Variants in ATP13A1 observed in about 807,000 individuals in gnomAD.
ATP13A1 encodes the protein endoplasmic reticulum transmembrane helix translocase.
ATP13A1 carries 55 observed loss-of-function variants against 134.8 expected under a neutral mutation model. The ratio of observed to expected loss-of-function variants is 0.41; its 90% CI spans 0.33 to 0.51. ATP13A1 has a LOEUF of 0.51. Among genes scored for constraint, ATP13A1 ranks in the 20% least tolerant of loss-of-function variants. ATP13A1 has a pLI of 0.29. For synonymous variants in ATP13A1, 775 were observed against 725.1 expected, an observed-to-expected ratio of 1.07 and a Z score of -1.10; for missense variants, 1,389 against 1,652.8, an observed-to-expected ratio of 0.84 and a Z score of 2.77.
chr19:19,646,371 G>GA, intron 22 of ATP13A1, 24 bp from the exon 23 acceptor site: 2 of 1,613,160 alleles, frequency 1.2e-6, no homozygotes, highest in South Asian at 1.1e-5. Context: ...GCGGGTGGGG[G>GA]AGTCAGGATC....
In ATP13A1 at chr19:19,655,498, G is replaced by C. The variant is rs199890912; in HGVS notation, c.1396+30C>G. ...CAACCTGGAGCCTCGGAGGGTGGGC[G>C]CAGGGGACCACAGAGGCCGTGGCGC... On this transcript the variant is annotated intron_variant, in intron 10 of 25. Transcript: ENST00000357324. This position sits in a 1 kb window ranked among gnomAD's most constrained non-coding sequence, Gnocchi z 5.7. The C allele has an allele frequency of 6.2e-7, 1 of 1,613,870 alleles. No individual in the cohort carries two copies. Among genetic ancestry groups the C allele is most frequent in the African/African-American group, 1.3e-5 (1 of 74,930 alleles).
chr19:19,658,972 A>G (rs1298507422), intron 3 of ATP13A1, among the ~76,000 whole-genome samples: 1 of 152,214 alleles, frequency 6.6e-6, no homozygotes, highest in Non-Finnish European at 1.5e-5. Context: ...TTTAAAATAA[A>G]GCTGTTGCTG....
intron 12 of ATP13A1, 122 bp from the exon 13 acceptor site, chr19:19,654,822 C>T (rs2062047011): frequency 8.3e-7 from 1 of 1,201,178 alleles, no homozygotes; most frequent in Non-Finnish European, 1.1e-6. Context: ...GGCTTGGGCG[C>T]CAACTGGGTC....
intron 17 of ATP13A1, 132 bp from the exon 18 acceptor site, chr19:19,650,072 AC>A (rs1305661019): frequency 5.0e-6 from 4 of 794,968 alleles, no homozygotes; most frequent in Admixed American, 2.6e-5. Context: ...CACCCAGGTG[AC>A]CCCCAGCCCT....
rs1328980699 is a variant in ATP13A1 at position 19,647,062 on chromosome 19, G to A, written c.3105+67C>T. ...CTGTAACTTGGGGATGACAATTCCC[G>A]TGCCTATATCAGCCTGGCCCTGGCA... On this transcript the variant is annotated intron_variant, in intron 22 of 25. Transcript: ENST00000357324. This position sits in a 1 kb window ranked among gnomAD's most constrained non-coding sequence, Gnocchi z 4.8. The A allele has an allele frequency of 2.7e-5, 41 of 1,491,150 alleles. No homozygotes were observed. The highest frequency in any genetic ancestry group is 4.5e-5 in the East Asian group (2 of 44,096). 92.4% of individuals were successfully genotyped at this position (1,491,150 alleles called of 1,614,324 possible).
intron 16 of ATP13A1, 115 bp downstream of exon 16, chr19:19,652,480 A>G: frequency 2.1e-6 from 3 of 1,404,910 alleles, no homozygotes; most frequent in Non-Finnish European, 2.9e-6. Flanking sequence ...GATCTTGCTC[A>G]GCTAAAACAT....
At position 19,660,002 on chromosome 19, in the gene ATP13A1, G is replaced by T. The variant is rs1568430743; in HGVS notation, c.397-15C>A. 2 of 1,552,984 alleles carry T rather than the reference G, an allele frequency of 1.3e-6. No homozygotes were observed. ...GGGTCGTACTCCTGACAGAGACAAAGAAAGCATTGTGGCTTAGCTCTTCTC... is the reference window on the plus strand; with the variant it reads ...GGGTCGTACTCCTGACAGAGACAAATAAAGCATTGTGGCTTAGCTCTTCTC... On this transcript the variant is annotated splice_polypyrimidine_tract_variant and intron_variant, in intron 1 of 25. Coordinates refer to ENST00000357324, the MANE Select transcript of ATP13A1 (RefSeq NM_020410.3).
intron 15 of ATP13A1, chr19:19,652,996 C>T (rs2062034680): frequency 4.5e-6 from 2 of 443,122 alleles, no homozygotes; most frequent in Non-Finnish European, 4.1e-6. Context: ...CCTTGTGGCT[C>T]AGCTTCCAAG....
rs1314731448 is a variant in ATP13A1 at position 19,645,938 on chromosome 19, A to G, written c.3296T>C (p.Val1099Ala). The change falls in exon 24 of 26, where the codon GTC (valine) becomes GCC (alanine). Residue 1099 changes from valine to alanine, a missense_variant. By Grantham distance (64) the Val-to-Ala change is moderately conservative. This residue lies in a region of ATP13A1 where 228 missense variants were observed against 321.0 expected (regional missense o/e 0.71). Coordinates refer to ENST00000357324, the MANE Select transcript of ATP13A1 (RefSeq NM_020410.3). The surrounding 1 kb of genome is among the most constrained non-coding windows in gnomAD (Gnocchi z 4.1). Reference sequence around the variant, plus strand: ...GGCCATGATGTAGACGGTGCTGTTGACCAGGCTTGGCTCAAACTCCTTGTA... The same window carrying G: ...GGCCATGATGTAGACGGTGCTGTTGGCCAGGCTTGGCTCAAACTCCTTGTA... ...DLYKEFEPSLVNSTVYIMAMA... is the reference protein window; with the variant it reads ...DLYKEFEPSLANSTVYIMAMA... 1 of 1,613,534 alleles carries G rather than the reference A, an allele frequency of 6.2e-7. No individual in the cohort carries two copies. Among genetic ancestry groups the G allele is most frequent in the Admixed American group, 1.7e-5 (1 of 60,032 alleles).
In ATP13A1 at chr19:19,651,744, C is replaced by T. The variant is rs2062025959; in HGVS notation, c.2280G>A (p.Glu760=). 6.2e-7 allele frequency: 1 copy of T among 1,613,318 alleles called. No individual in the cohort carries two copies. The highest frequency in any genetic ancestry group is 1.7e-5 in the Admixed American group (1 of 59,928). ...TGTGGGCCTTTTCAATGAAGTGCAG[C>T]TCCTGGGCCACGTGGCATGCAGTGA... The part of the protein sequence containing the change: ...NPLTACHVAQ[E]LHFIEKAHTL... Residue 760 remains glutamate (E), a synonymous_variant, in exon 17 of 26, where the codon GAG becomes GAA. Coordinates refer to ENST00000357324, the MANE Select transcript of ATP13A1 (RefSeq NM_020410.3).
chr19:19,662,242 C>T, intron 1 of ATP13A1: 1 of 1,499,052 alleles, frequency 6.7e-7, no homozygotes, highest in Non-Finnish European at 8.9e-7. Context: ...TTTCATTGTA[C>T]TACCTCAAAG....
chr19:19,647,468 C>G lies in ATP13A1; in HGVS notation c.2854G>C (p.Gly952Arg). The change falls in exon 21 of 26, where the codon GGG becomes CGG. Residue 952 changes from glycine (G) to arginine (R), a missense_variant. Gly to Arg is a moderately radical substitution (Grantham distance 125). Coordinates refer to ENST00000357324, the MANE Select transcript of ATP13A1 (RefSeq NM_020410.3). This position sits in a 1 kb window ranked among gnomAD's most constrained non-coding sequence, Gnocchi z 4.8. ...AAGGGTGCTGCGATGCTGGCATCCC[C>G]CAGTTTCACAATGGGCGTACTCTCG... ...EDESTPIVKL[G>R]DASIAAPFTS... is the part of the protein sequence containing the mutation. The G allele has an allele frequency of 3.1e-6, 5 of 1,613,542 alleles. No homozygotes were observed. Among genetic ancestry groups the G allele is most frequent in the Non-Finnish European group, 4.2e-6 (5 of 1,179,694 alleles).
At chr19:19,657,259 AGTG>A (rs772012345) in intron 4 of ATP13A1, 74 bp downstream of exon 4, 10 of 1,504,466 alleles carry the variant, frequency 6.6e-6, no homozygotes, top group Non-Finnish European at 8.9e-6. Context: ...CAGGTTTAGA[AGTG>A]GTGGGCAGGC....
In ATP13A1 at chr19:19,647,268, T is replaced by C; in HGVS notation, c.2966A>G (p.Lys989Arg). 1 of 1,613,784 alleles carries C rather than the reference T, an allele frequency of 6.2e-7. No individual in the cohort carries two copies. ...CTLVTTLQMFKILALNALILA... is the reference protein window; with the variant it reads ...CTLVTTLQMFRILALNALILA... Reference sequence around the variant, plus strand: ...GATGAGGGCATTGAGCGCCAGGATCTTGAACATCTGTAGCGTGGTCACCAG... The same window carrying C: ...GATGAGGGCATTGAGCGCCAGGATCCTGAACATCTGTAGCGTGGTCACCAG... The change falls in exon 22 of 26, where the codon AAG (lysine) becomes AGG (arginine). Residue 989 changes from lysine to arginine, a missense_variant. Transcript: ENST00000357324. The surrounding 1 kb of genome is among the most constrained non-coding windows in gnomAD (Gnocchi z 4.8).
intron 13 of ATP13A1, 40 bp from the exon 14 acceptor site, chr19:19,654,184 CA>C (rs1034713731): frequency 2.5e-5 from 38 of 1,542,828 alleles, no homozygotes; most frequent in Non-Finnish European, 3.2e-5. Context: ...GGCTTTGCTC[CA>C]AAGAGGCAGC....
chr19:19,651,775 T>C lies in ATP13A1; in HGVS notation c.2249A>G (p.Asn750Ser), dbSNP rs562025401. The C allele has an allele frequency of 3.1e-6, 5 of 1,612,704 alleles. No homozygotes were observed. Among genetic ancestry groups the C allele is most frequent in the East Asian group, 4.5e-5 (2 of 44,768 alleles). The change falls in exon 17 of 26, where the codon AAC becomes AGC. Residue 750 changes from asparagine to serine, a missense_variant. Physicochemically the swap from Asn to Ser is conservative, Grantham distance 46. This residue lies in a region of ATP13A1 where 747 missense variants were observed against 956.1 expected (regional missense o/e 0.78). Transcript: ENST00000357324. Reference protein sequence around the residue: ...SHRVVMITGDNPLTACHVAQE... With the variant: ...SHRVVMITGDSPLTACHVAQE... Reference sequence around the variant, plus strand: ...GGCCACGTGGCATGCAGTGAGCGGGTTGTCTCCCGTGATCATGACCACCTT... The same window carrying C: ...GGCCACGTGGCATGCAGTGAGCGGGCTGTCTCCCGTGATCATGACCACCTT...
chr19:19,654,790 A>C, intron 12 of ATP13A1, 90 bp from the exon 13 acceptor site: 2 of 1,452,734 alleles, frequency 1.4e-6, no homozygotes, highest in Non-Finnish European at 1.9e-6. Context: ...AAGGCCATTC[A>C]TTCCGTGCTT....
Position 19,645,341 on chromosome 19 carries a change from G to T in ATP13A1, c.*81C>A, listed in dbSNP as rs751172440. ...TACAGCCTTGCTGTGGGGGGTTGGG[G>T]GCAGGGTTCCCTCCCGGGGCCCTGT... is the stretch of plus-strand genomic sequence containing the variant. On this transcript the variant is annotated 3_prime_UTR_variant, in exon 26 of 26. Coordinates refer to ENST00000357324, the MANE Select transcript of ATP13A1 (RefSeq NM_020410.3). The surrounding 1 kb of genome is among the most constrained non-coding windows in gnomAD (Gnocchi z 4.1). The T allele has an allele frequency of 9.1e-5, 131 of 1,438,858 alleles. No homozygotes were observed. The highest frequency in any genetic ancestry group is 1.2e-4 in the Non-Finnish European group (125 of 1,051,364). The allele number at this position is 1,438,858 out of a possible 1,614,324, so 89.1% of individuals were successfully genotyped here.
intron 17 of ATP13A1, 128 bp downstream of exon 17, chr19:19,651,561 A>AT: frequency 1.5e-6 from 1 of 664,806 alleles, no homozygotes; most frequent in South Asian, 2.1e-5. Context: ...CAGGGCTGTG[A>AT]TTAGTGGTGC....
Sources: gnomAD v4.1 joint callset for allele counts (sites outside exome capture counted in the v4.1 genomes callset) on GRCh38, gnomAD v4.1.1 for gene constraint, gnomAD v4.1.1 regional missense constraint, Gnocchi (gnomAD v3.1) non-coding constraint, MANE v1.5 for transcripts, NCBI Gene and HGNC (gene_info 2026-07-23, HGNC 2026-07-21) for gene names.